The following CES5A variants were observed in gnomAD, a reference collection of about 807,000 sequenced individuals.
The protein encoded by CES5A is carboxylesterase 5A.
In CES5A, 67 loss-of-function variants were observed where a neutral mutation model predicts 62.9. That is an observed-to-expected ratio of 1.07 (90% CI 0.88 to 1.31). The LOEUF (loss-of-function observed/expected upper bound fraction) is 1.31. CES5A is among the 50% of genes most tolerant of loss of function. The pLI is 0.00. For synonymous variants in CES5A, 296 were observed against 280.8 expected (o/e 1.05, Z -0.54); for missense variants, 748 against 708.5 (o/e 1.06, Z -0.63).
At chr16:55,860,778 A>G (rs186657587) in intron 7 of CES5A, among the ~76,000 whole-genome samples, 3 of 152,366 alleles carry the variant, frequency 2.0e-5, no homozygotes, top group Admixed American at 1.3e-4. Context: ...TGAGTCTAGC[A>G]TGGCTCAGAG....
chr16:55,861,379 G>T, intron 7 of CES5A, 33 bp downstream of exon 7: 2 of 1,254,456 alleles, frequency 1.6e-6, no homozygotes, highest in Non-Finnish European at 2.3e-6. Context: ...CGAAGGGCAA[G>T]CCTGCCCCCA....
rs143198507 is a variant in CES5A, at chr16:55,871,648, C to A, written c.394G>T (p.Ala132Ser). ...ACGGGGAGCTTGGAGCCTGTATCGG[C>A]GTGGGCAGGCGCATAGATGTTCAGG... ...LYLNIYAPAH[A>S]DTGSKLPVLV... The change falls in exon 3 of 13, where the codon GCC becomes TCC. Residue 132 changes from alanine to serine, a missense_variant. Physicochemically the swap from Ala to Ser is moderately conservative, Grantham distance 99 (BLOSUM62 1). Transcript: ENST00000290567. 5.6e-6 allele frequency: 9 copies of A among 1,613,938 alleles called. No homozygotes were observed. In the South Asian group the frequency reaches 8.8e-5, roughly 16 times the overall value.
chr16:55,875,319 T>C lies in CES5A; in HGVS notation c.-98A>G. ...AAAGAGCTTCCTGTTAACAGGCAAA[T>C]GCTGAATAGGCAGGCAGAGGCAGCA... On this transcript the variant is annotated 5_prime_UTR_variant, in exon 1 of 13. Transcript: ENST00000290567. 1 of 1,549,994 alleles carries C rather than the reference T, an allele frequency of 6.5e-7. No individual in the cohort carries two copies. Among genetic ancestry groups the C allele is most frequent in the Non-Finnish European group, 8.7e-7 (1 of 1,152,312 alleles).
intron 1 of CES5A, among the ~76,000 whole-genome samples, chr16:55,920,094 C>A (rs1311250489): frequency 1.3e-5 from 2 of 152,114 alleles, no homozygotes; most frequent in African/African-American, 4.8e-5. Flanking sequence ...CAGAAATAAC[C>A]CAGCAGTCAA....
intron 1 of CES5A, among the ~76,000 whole-genome samples, chr16:55,891,712 A>G (rs1388464112): frequency 6.6e-6 from 1 of 152,204 alleles, no homozygotes; most frequent in African/African-American, 2.4e-5. Context: ...TTGCCTAAAC[A>G]GTTCCCAGCT....
intron 1 of CES5A, among the ~76,000 whole-genome samples, chr16:55,899,716 C>T (rs2033971001): frequency 6.6e-6 from 1 of 152,194 alleles, no homozygotes; most frequent in Admixed American, 6.5e-5. Flanking sequence ...TCGATAGTCA[C>T]AGCTAGTGGA....
At chr16:55,939,805 G>C (rs34266217) in intron 2 of CES5A, among the ~76,000 whole-genome samples, 22,632 of 151,368 alleles carry the variant, frequency 0.15, 2,184 homozygotes, top group East Asian at 0.4. Flanking sequence ...TAAAATAATG[G>C]AAATTATACA....
At chr16:55,930,813 C>T (rs1223037828) in intron 2 of CES5A, among the ~76,000 whole-genome samples, 1 of 152,110 alleles carries the variant, frequency 6.6e-6, no homozygotes, top group Non-Finnish European at 1.5e-5. Context: ...ATCTCCAATG[C>T]CTATCAAAAT....
Position 55,940,261 on chromosome 16 carries a change from A to G in CES5A, c.160+9524T>C, listed in dbSNP as rs1210722153. Among the ~76,000 whole-genome samples, 7 of 152,180 alleles carry G rather than the reference A, an allele frequency of 4.6e-5. No individual in the cohort carries two copies. In the East Asian group the frequency reaches 1.3e-3, roughly 29 times the overall value. ...TAATCAAGTCAAAGGTGTTTTTTCA[A>G]TAATTGGAAAAATCAAAATGTGTCT... On this transcript the variant is annotated intron_variant, in intron 2 of 13. Coordinates refer to the CES5A transcript ENST00000521992.
chr16:55,864,109 C>A (rs1196367608), intron 5 of CES5A, among the ~76,000 whole-genome samples: 1 of 152,030 alleles, frequency 6.6e-6, no homozygotes, highest in South Asian at 2.1e-4. Context: ...AAATTTAGCC[C>A]GTATCACAAA....
intron 1 of CES5A, among the ~76,000 whole-genome samples, chr16:55,913,166 T>G (rs1363200685): frequency 1.3e-5 from 2 of 151,922 alleles, no homozygotes; most frequent in African/African-American, 4.8e-5. Context: ...AAGTGGGGAG[T>G]GCTGATTGGT....
intron 2 of CES5A, among the ~76,000 whole-genome samples, chr16:55,934,408 T>C (rs755169744): frequency 3.9e-5 from 6 of 152,200 alleles, no homozygotes; most frequent in Non-Finnish European, 8.8e-5. Flanking sequence ...CTCTGGACCA[T>C]AGTAGGTGCT....
At chr16:55,852,844 G>C in intron 10 of CES5A, 37 bp downstream of exon 10, 7 of 1,593,268 alleles carry the variant, frequency 4.4e-6, no homozygotes, top group Non-Finnish European at 6.0e-6. Flanking sequence ...CAGCCTCACT[G>C]GGCTATGGTC....
At chr16:55,896,169 A>G (rs2033931895) in intron 1 of CES5A, among the ~76,000 whole-genome samples, 1 of 152,200 alleles carries the variant, frequency 6.6e-6, no homozygotes, top group Admixed American at 6.5e-5. Flanking sequence ...GTGGCAGGCA[A>G]GAGAGAGAGC....
At chr16:55,941,269 C>A (rs546284513) in intron 2 of CES5A, among the ~76,000 whole-genome samples, 1 of 152,174 alleles carries the variant, frequency 6.6e-6, no homozygotes, top group Admixed American at 6.5e-5. Context: ...ATAAAAGCTT[C>A]TAAAACTAAT....
intron 1 of CES5A, among the ~76,000 whole-genome samples, chr16:55,882,946 T>C (rs1299366855): frequency 6.6e-6 from 1 of 152,160 alleles, no homozygotes; most frequent in Non-Finnish European, 1.5e-5. Context: ...GGCAGTGAAA[T>C]GGACTATATT....
At chr16:55,906,976 C>T (rs1167674835) in intron 1 of CES5A, among the ~76,000 whole-genome samples, 6 of 152,338 alleles carry the variant, frequency 3.9e-5, no homozygotes, top group African/African-American at 1.4e-4. Flanking sequence ...GAGGAATAGT[C>T]TCTGCCCATA....
At chr16:55,955,736 A>C (rs2034602362) in intron 1 of CES5A, 2 of 1,246,754 alleles carry the variant, frequency 1.6e-6, no homozygotes, top group Non-Finnish European at 2.2e-6. Context: ...TGACCCAGAG[A>C]GACAAAGTTG....
intron 1 of CES5A, among the ~76,000 whole-genome samples, chr16:55,909,164 T>A (rs1187360266): frequency 3.3e-5 from 5 of 152,162 alleles, no homozygotes; most frequent in Non-Finnish European, 7.4e-5. Flanking sequence ...TGAGAGACAC[T>A]GCCCTCCACT....
Sources: allele counts gnomAD v4.1 joint callset (sites outside exome capture counted in the v4.1 genomes callset), GRCh38; gene constraint gnomAD v4.1.1; transcripts MANE v1.5; gene names NCBI Gene and HGNC (gene_info 2026-07-23, HGNC 2026-07-21).